Variants in PCCA observed in about 807,000 individuals in gnomAD.
PCCA encodes propionyl-CoA carboxylase subunit alpha.
A neutral mutation model predicts 101.3 loss-of-function variants in PCCA; 74 were observed. The ratio of observed to expected loss-of-function variants is 0.73; its 90% confidence interval spans 0.61 to 0.89. The LOEUF (loss-of-function observed/expected upper bound fraction) is 0.89, where lower values mean the gene tolerates loss of function less well. PCCA is among the 40% of genes least tolerant of loss of function. PCCA has a pLI of 0.00. For missense variants in PCCA, 891 were observed against 907.0 expected, an observed-to-expected ratio of 0.98 and a Z score of 0.23; for synonymous variants, 294 against 313.6, an observed-to-expected ratio of 0.94 and a Z score of 0.66.
intron 19 of PCCA, among the ~76,000 whole-genome samples, chr13:100,385,046 T>C (rs2076422690): frequency 6.6e-6 from 1 of 152,166 alleles, no homozygotes; most frequent in Non-Finnish European, 1.5e-5. Flanking sequence ...ACTTCTCTTC[T>C]TAGGTAATTT....
At chr13:100,480,341 A>G (rs909915713) in intron 21 of PCCA, 1 of 152,216 alleles carries the variant, frequency 6.6e-6, no homozygotes, top group African/African-American at 2.4e-5. Context: ...CCAGACCTTC[A>G]TGATAGTCAC....
intron 4 of PCCA, among the ~76,000 whole-genome samples, chr13:100,133,475 T>A (rs947651535): frequency 6.6e-6 from 1 of 152,224 alleles, no homozygotes; most frequent in Admixed American, 6.5e-5. Flanking sequence ...TTACCTAACT[T>A]CAGGCCACGA....
At chr13:100,178,484 C>T (rs1029768477) in intron 6 of PCCA, among the ~76,000 whole-genome samples, 1 of 152,112 alleles carries the variant, frequency 6.6e-6, no homozygotes. Flanking sequence ...TAATTTACCC[C>T]CTACTGACAA....
At chr13:100,345,979 CA>C (rs35199463) in intron 18 of PCCA, among the ~76,000 whole-genome samples, 18 of 143,852 alleles carry the variant, frequency 1.3e-4, no homozygotes, top group Admixed American at 3.5e-4. Context: ...ACCTACTTCT[CA>C]AAAAAAAAAA....
At chr13:100,417,866 T>C (rs977927222) in intron 19 of PCCA, among the ~76,000 whole-genome samples, 1 of 152,162 alleles carries the variant, frequency 6.6e-6, no homozygotes, top group Non-Finnish European at 1.5e-5. Context: ...GAGGTGGGAT[T>C]ACTTTCCTCC....
intron 21 of PCCA, among the ~76,000 whole-genome samples, chr13:100,474,645 CT>C (rs2083285204): frequency 6.6e-6 from 1 of 152,082 alleles, no homozygotes; most frequent in South Asian, 2.1e-4. Context: ...GCCACCATGC[CT>C]GGTTAATTTT....
chr13:100,293,913 GCTGT>G (rs1323827351), intron 12 of PCCA, among the ~76,000 whole-genome samples: 1 of 152,156 alleles, frequency 6.6e-6, no homozygotes, highest in Non-Finnish European at 1.5e-5. Context: ...AAATGATATT[GCTGT>G]CTGAGTTCTG....
chr13:100,285,889 A>T (rs2064591356), intron 12 of PCCA, among the ~76,000 whole-genome samples: 1 of 152,226 alleles, frequency 6.6e-6, no homozygotes, highest in Non-Finnish European at 1.5e-5. Context: ...TTAGTGATGT[A>T]ACCATACTTG....
chr13:100,324,121 G>T (rs1219948976), intron 16 of PCCA, among the ~76,000 whole-genome samples: 1 of 152,202 alleles, frequency 6.6e-6, no homozygotes, highest in Admixed American at 6.5e-5. Flanking sequence ...GACTTCAGCT[G>T]TCATGCTGCA....
chr13:100,498,010 C>T (rs2085395935), intron 21 of PCCA, among the ~76,000 whole-genome samples: 1 of 151,972 alleles, frequency 6.6e-6, no homozygotes, highest in Non-Finnish European at 1.5e-5. Context: ...GCTAGGATTA[C>T]AGATATGTGC....
chr13:100,130,113 TTG>T (rs1281653336), intron 4 of PCCA, among the ~76,000 whole-genome samples: 1 of 152,196 alleles, frequency 6.6e-6, no homozygotes, highest in Non-Finnish European at 1.5e-5. Flanking sequence ...GATCTCAAAA[TTG>T]TGTTTTTGCT....
intron 4 of PCCA, among the ~76,000 whole-genome samples, chr13:100,143,537 C>CA (rs1308856198): frequency 0.01 from 615 of 60,334 alleles, 2 homozygotes; most frequent in Middle Eastern, 0.022. Context: ...TCTGCATCCA[C>CA]AAAAAAAAAA....
chr13:100,422,065 TTTTCTTTTCTTTC>T (rs748202406), intron 19 of PCCA, among the ~76,000 whole-genome samples: 1,774 of 59,378 alleles, frequency 0.03, 82 homozygotes, highest in African/African-American at 0.074. Context: ...TTCTCTTCTC[TTTTCTTTTCTTTC>T]TTTCTTTCTT....
At chr13:100,453,949 C>T (rs2081528367) in intron 21 of PCCA, among the ~76,000 whole-genome samples, 1 of 152,202 alleles carries the variant, frequency 6.6e-6, no homozygotes, top group Non-Finnish European at 1.5e-5. Flanking sequence ...CCGCTCACTG[C>T]AAGCTCCGCC....
intron 21 of PCCA, among the ~76,000 whole-genome samples, chr13:100,468,898 T>C (rs1286652284): frequency 1.3e-5 from 2 of 151,670 alleles, no homozygotes; most frequent in Admixed American, 6.6e-5. Context: ...AATAGAAAGA[T>C]GGTGGAGCAA....
chr13:100,507,897 C>T lies in PCCA; in HGVS notation c.1900-7530C>T, dbSNP rs58064681. 1.6e-4 allele frequency among the ~76,000 whole-genome samples: 25 copies of T among 152,284 alleles called. 1 individual carries two copies. The East Asian group carries it at 4.8e-3, about 29-fold the overall frequency. ...GTTCTTGAACTCCTGACCTCATGAT[C>T]CTCCAGCCTTGGCCTCCCAAAGTGC... On this transcript the variant is annotated intron_variant, in intron 21 of 23. Transcript: ENST00000376285.
intron 21 of PCCA, chr13:100,491,208 T>TAA (rs2084881611): frequency 6.4e-6 from 1 of 155,680 alleles, no homozygotes; most frequent in Non-Finnish European, 1.4e-5. Context: ...TTGTTCATTC[T>TAA]AAAGGAAGGA....
rs1378918522 is a variant in PCCA at position 100,467,166 on chromosome 13, C to A, written c.1899+17861C>A. 2.6e-5 allele frequency among the ~76,000 whole-genome samples: 4 copies of A among 152,256 alleles called. No homozygotes were observed. In the East Asian group the frequency reaches 7.7e-4, roughly 29 times the overall value. The stretch of plus-strand genomic sequence containing the variant: ...AGCAGCTGTAGGACCAAACCCAGAT[C>A]TAGTAACAAATGTGGCTTCCTTCAC... On this transcript the variant is annotated intron_variant, in intron 21 of 23. Transcript: ENST00000376285.
chr13:100,489,745 G>A (rs936155616), intron 21 of PCCA, among the ~76,000 whole-genome samples: 3 of 150,080 alleles, frequency 2.0e-5, no homozygotes, highest in Non-Finnish European at 2.9e-5. Context: ...TAGGGGTAAC[G>A]TTTATTAATG....
Sources: gnomAD v4.1 joint callset for allele counts (sites outside exome capture counted in the v4.1 genomes callset) on GRCh38, gnomAD v4.1.1 for gene constraint, MANE v1.5 for transcripts, NCBI Gene and HGNC (gene_info 2026-07-23, HGNC 2026-07-21) for gene names.